Variants in MYL11 observed in about 807,000 individuals in gnomAD.
The protein encoded by MYL11 is myosin regulatory light chain 11.
the MYL11 span, chr16:30,376,564 C>T: frequency 6.2e-7 from 1 of 1,613,858 alleles, no homozygotes; most frequent in Non-Finnish European, 8.5e-7. Context: ...CCCCGGCTGC[C>T]TTTTCCCAGA....
At chr16:30,375,478 A>AG in the MYL11 span, among the ~76,000 whole-genome samples, 2 of 151,566 alleles carry the variant, frequency 1.3e-5, no homozygotes, top group Admixed American at 6.6e-5. Context: ...AAAAAAAAAA[A>AG]AAAGAAAAGA....
the MYL11 span, among the ~76,000 whole-genome samples, chr16:30,375,553 G>A: frequency 6.6e-6 from 1 of 152,116 alleles, no homozygotes. Flanking sequence ...AGGCTCAGAG[G>A]AGCTAGGCTC....
At chr16:30,376,664 G>A in the MYL11 span, 1 of 1,614,052 alleles carries the variant, frequency 6.2e-7, no homozygotes, top group Non-Finnish European at 8.5e-7. Context: ...CAAGGTCTTG[G>A]ACCCTGAGGG....
the MYL11 span, chr16:30,376,733 C>T: frequency 1.9e-6 from 3 of 1,586,708 alleles, no homozygotes; most frequent in Non-Finnish European, 2.6e-6. Context: ...CCGACCCTTC[C>T]CCCACTCCAC....
At chr16:30,377,908 C>G in the MYL11 span, 14 of 1,597,834 alleles carry the variant, frequency 8.8e-6, no homozygotes, top group South Asian at 2.2e-5. Context: ...TAGGGGCACC[C>G]GCGGGCCTCC....
At chr16:30,375,280 A>G in the MYL11 span, among the ~76,000 whole-genome samples, 98 of 152,258 alleles carry the variant, frequency 6.4e-4, no homozygotes, top group African/African-American at 2.1e-3. Flanking sequence ...AGCCTGGCCA[A>G]CAGGCGAAAC....
At chr16:30,374,955 A>C in the MYL11 span, 1 of 1,471,402 alleles carries the variant, frequency 6.8e-7, no homozygotes, top group Non-Finnish European at 9.2e-7. Context: ...GTCCAACAAA[A>C]AGTTAAAAGG....
the MYL11 span, among the ~76,000 whole-genome samples, chr16:30,373,469 G>C: frequency 6.6e-6 from 1 of 152,168 alleles, no homozygotes; most frequent in East Asian, 1.9e-4. Flanking sequence ...GGTGACACGC[G>C]CCTGTAGTCC....
chr16:30,376,397 C>T, the MYL11 span: 1 of 1,601,308 alleles, frequency 6.2e-7, no homozygotes, highest in South Asian at 1.1e-5. Flanking sequence ...CCTGCTCCAG[C>T]CCATGCTTCC....
chr16:30,377,904 C>T, the MYL11 span: 49 of 1,600,400 alleles, frequency 3.1e-5, no homozygotes, highest in Non-Finnish European at 4.1e-5. Flanking sequence ...GGAGTAGGGG[C>T]ACCCGCGGGC....
chr16:30,376,941 A>T, the MYL11 span, among the ~76,000 whole-genome samples: 1 of 152,112 alleles, frequency 6.6e-6, no homozygotes, highest in Non-Finnish European at 1.5e-5. Flanking sequence ...GGCCGGGCAC[A>T]GTGGCTCATG....
At chr16:30,373,509 T>C in the MYL11 span, among the ~76,000 whole-genome samples, 43 of 150,392 alleles carry the variant, frequency 2.9e-4, no homozygotes, top group African/African-American at 1.0e-3. Context: ...AGCAGGAGAA[T>C]CACTTGAACC....
chr16:30,375,661 G>C, the MYL11 span, among the ~76,000 whole-genome samples: 1 of 152,016 alleles, frequency 6.6e-6, no homozygotes, highest in Non-Finnish European at 1.5e-5. Flanking sequence ...TGCAATCAAA[G>C]CAAGCCCCCT....
At chr16:30,373,771 A>C in the MYL11 span, among the ~76,000 whole-genome samples, 2 of 151,686 alleles carry the variant, frequency 1.3e-5, no homozygotes, top group African/African-American at 4.8e-5. Context: ...TCAAAAAAAA[A>C]AAAAAAGAAA....
chr16:30,376,585 A>G, the MYL11 span: 1 of 1,613,858 alleles, frequency 6.2e-7, no homozygotes, highest in Non-Finnish European at 8.5e-7. Flanking sequence ...CCCTTCAGGG[A>G]CCCATCAGCT....
chr16:30,375,379 C>T, the MYL11 span, among the ~76,000 whole-genome samples: 5 of 151,444 alleles, frequency 3.3e-5, no homozygotes, highest in East Asian at 1.9e-4. Flanking sequence ...GCATAAGAAT[C>T]GCTTGAACCC....
At chr16:30,376,383 G>C in the MYL11 span, 1 of 1,587,352 alleles carries the variant, frequency 6.3e-7, no homozygotes, top group Non-Finnish European at 8.6e-7. Flanking sequence ...CCCGGCCCCA[G>C]GAGCCTGCTC....
chr16:30,376,508 G>C, the MYL11 span: 1 of 1,614,156 alleles, frequency 6.2e-7, no homozygotes, highest in Non-Finnish European at 8.5e-7. Context: ...TCCTGACCAT[G>C]TTCGGGGAGA....
the MYL11 span, chr16:30,376,294 C>A: frequency 1.3e-6 from 2 of 1,569,130 alleles, no homozygotes; most frequent in Non-Finnish European, 1.7e-6. Flanking sequence ...TGGGTTCCAG[C>A]CCTGTCAGCT....
Sources: allele counts gnomAD v4.1 joint callset (sites outside exome capture counted in the v4.1 genomes callset), GRCh38; gene constraint gnomAD v4.1.1; transcripts MANE v1.5; gene names NCBI Gene and HGNC (gene_info 2026-07-23, HGNC 2026-07-21).